The following NOVA1 variants were observed in gnomAD, a reference collection of about 807,000 sequenced individuals.
NOVA1 encodes the protein NOVA alternative splicing regulator 1, also known as RNA-binding protein Nova-1.
In NOVA1, 7 loss-of-function variants were observed where a neutral mutation model predicts 38.0. The observed-to-expected ratio is 0.18, with a 90% CI of 0.10 to 0.35. The LOEUF is 0.35. Among genes scored for constraint, NOVA1 ranks in the 10% least tolerant of loss-of-function variants. NOVA1 has a pLI of 1.00. For missense variants in NOVA1, 460 were observed against 616.0 expected, an observed-to-expected ratio of 0.75 and a Z score of 2.68; for synonymous variants, 270 against 232.5, an observed-to-expected ratio of 1.16 and a Z score of -1.47.
intron 2 of NOVA1, among the ~76,000 whole-genome samples, chr14:26,529,941 T>C (rs1183867115): frequency 6.7e-6 from 1 of 149,944 alleles, no homozygotes; most frequent in Non-Finnish European, 1.5e-5. Context: ...AAATGGCTCA[T>C]TTTTTTTTCA....
chr14:26,492,340 G>T (rs530703720), intron 2 of NOVA1, among the ~76,000 whole-genome samples: 4 of 152,130 alleles, frequency 2.6e-5, no homozygotes, highest in Admixed American at 2.6e-4. Context: ...TTCCAATTTG[G>T]ATACCATTTT....
chr14:26,569,023 C>G (rs960527791), intron 2 of NOVA1, among the ~76,000 whole-genome samples: 1 of 152,084 alleles, frequency 6.6e-6, no homozygotes, highest in African/African-American at 2.4e-5. Flanking sequence ...AACGCAAAGC[C>G]AAGCCACTCT....
At chr14:26,465,162 G>A (rs953490522) in intron 4 of NOVA1, among the ~76,000 whole-genome samples, 1 of 152,030 alleles carries the variant, frequency 6.6e-6, no homozygotes, top group Non-Finnish European at 1.5e-5. Context: ...CACATATGCT[G>A]AAAGAAATAC....
intron 2 of NOVA1, among the ~76,000 whole-genome samples, chr14:26,523,391 A>C (rs1889043994): frequency 6.6e-6 from 1 of 152,344 alleles, no homozygotes; most frequent in East Asian, 1.9e-4. Context: ...TTCACACTGC[A>C]TGGTTCCTTA....
At chr14:26,449,194 T>C (rs1882405466) in intron 4 of NOVA1, among the ~76,000 whole-genome samples, 2 of 152,076 alleles carry the variant, frequency 1.3e-5, no homozygotes, top group Admixed American at 1.3e-4. Flanking sequence ...TTAAATAAAA[T>C]TTTTCCTTGA....
chr14:26,449,073 T>G (rs950144397), intron 4 of NOVA1, 110 bp from the exon 5 acceptor site: 2 of 1,015,078 alleles, frequency 2.0e-6, no homozygotes, highest in Admixed American at 5.4e-5. Flanking sequence ...TAAACATAAT[T>G]TATGAAACAG....
chr14:26,548,364 G>C (rs1274118102), intron 2 of NOVA1, among the ~76,000 whole-genome samples: 1 of 151,842 alleles, frequency 6.6e-6, no homozygotes, highest in Non-Finnish European at 1.5e-5. Flanking sequence ...CTTTGACTAA[G>C]AATATATAAA....
intron 2 of NOVA1, among the ~76,000 whole-genome samples, chr14:26,525,744 T>C (rs915165159): frequency 6.6e-6 from 1 of 152,128 alleles, no homozygotes; most frequent in Non-Finnish European, 1.5e-5. Flanking sequence ...ATTCTCCCTT[T>C]ACAAGTTTCT....
At chr14:26,574,858 C>T (rs1333951781) in intron 2 of NOVA1, among the ~76,000 whole-genome samples, 1 of 151,972 alleles carries the variant, frequency 6.6e-6, no homozygotes, top group Non-Finnish European at 1.5e-5. Context: ...GACAGAGTCT[C>T]ACTCTGTTGC....
At chr14:26,520,032 A>G (rs1888757205) in intron 2 of NOVA1, among the ~76,000 whole-genome samples, 1 of 152,198 alleles carries the variant, frequency 6.6e-6, no homozygotes, top group African/African-American at 2.4e-5. Flanking sequence ...TTCTAGGGGA[A>G]ATACAGGGTT....
At chr14:26,513,180 C>T (rs987988049) in intron 2 of NOVA1, among the ~76,000 whole-genome samples, 1 of 151,742 alleles carries the variant, frequency 6.6e-6, no homozygotes. Context: ...CTTATAAAAG[C>T]GATTCAGCAT....
At chr14:26,503,972 A>G (rs1346789350) in intron 2 of NOVA1, among the ~76,000 whole-genome samples, 1 of 152,160 alleles carries the variant, frequency 6.6e-6, no homozygotes, top group Non-Finnish European at 1.5e-5. Context: ...TGTAAAGAAA[A>G]GCTGATTTTT....
At chr14:26,455,766 C>T (rs998087813) in intron 4 of NOVA1, among the ~76,000 whole-genome samples, 26 of 151,888 alleles carry the variant, frequency 1.7e-4, no homozygotes, top group African/African-American at 6.3e-4. Flanking sequence ...CAAACTATTC[C>T]TGTTGAGATG....
chr14:26,447,026 G>T lies in NOVA1; in HGVS notation c.*933C>A, dbSNP rs917649185. On this transcript the variant is annotated 3_prime_UTR_variant, in exon 5 of 5. Coordinates refer to ENST00000539517, the MANE Select transcript of NOVA1 (RefSeq NM_002515.3). The stretch of plus-strand genomic sequence containing the variant: ...GTTAACAAATTATACACAATTATAA[G>T]CTCTTAAAATGCAACATACTTATCA... The T allele has an allele frequency of 6.6e-6, 1 of 152,594 alleles. No individual in the cohort carries two copies. Among genetic ancestry groups the T allele is most frequent in the Non-Finnish European group, 1.5e-5 (1 of 68,034 alleles). The allele number at this position is 152,594 out of a possible 1,614,324, so 9.5% of individuals were successfully genotyped here.
intron 2 of NOVA1, among the ~76,000 whole-genome samples, chr14:26,590,742 T>C (rs912553228): frequency 2.6e-5 from 4 of 151,810 alleles, no homozygotes; most frequent in Non-Finnish European, 5.9e-5. Flanking sequence ...GTTTAAACTA[T>C]TCCTGAAATC....
intron 4 of NOVA1, among the ~76,000 whole-genome samples, chr14:26,456,555 T>C (rs1265253107): frequency 6.6e-6 from 1 of 151,998 alleles, no homozygotes; most frequent in Non-Finnish European, 1.5e-5. Flanking sequence ...GCAAAACTGA[T>C]CATCAAGTAA....
intron 2 of NOVA1, among the ~76,000 whole-genome samples, chr14:26,489,196 T>C (rs968429981): frequency 1.3e-5 from 2 of 152,152 alleles, no homozygotes; most frequent in African/African-American, 4.8e-5. Context: ...TAGACAAAAT[T>C]AAGCAGTAAC....
chr14:26,592,957 T>C (rs1893950455), intron 2 of NOVA1: 1 of 151,738 alleles, frequency 6.6e-6, no homozygotes, highest in Admixed American at 6.6e-5. Flanking sequence ...TCCATTAGGT[T>C]ATACAACTAA....
At chr14:26,497,951 A>G (rs1352580885) in intron 2 of NOVA1, among the ~76,000 whole-genome samples, 1 of 152,234 alleles carries the variant, frequency 6.6e-6, no homozygotes, top group Non-Finnish European at 1.5e-5. Flanking sequence ...AAATTATCAG[A>G]CCAAATTATA....
Sources: allele counts gnomAD v4.1 joint callset (sites outside exome capture counted in the v4.1 genomes callset), GRCh38; gene constraint gnomAD v4.1.1; transcripts MANE v1.5; gene names NCBI Gene and HGNC (gene_info 2026-07-23, HGNC 2026-07-21).